UBE2H: variants seen among roughly 807,000 people sequenced by gnomAD.
UBE2H encodes ubiquitin-conjugating enzyme E2 H.
A neutral mutation model predicts 29.0 loss-of-function variants in UBE2H; 3 were observed. That is an observed-to-expected ratio of 0.10 (90% CI 0.05 to 0.27). The LOEUF is 0.27. Ranked by LOEUF, UBE2H falls within the 10% of genes least tolerant of loss-of-function variation. UBE2H has a pLI of 1.00. For missense variants in UBE2H, 68 were observed against 228.2 expected (o/e 0.30, Z 4.52); for synonymous variants, 69 against 82.9 (o/e 0.83, Z 0.91).
At chr7:129,910,859 G>A (rs1334366725) in intron 1 of UBE2H, among the ~76,000 whole-genome samples, 1 of 152,098 alleles carries the variant, frequency 6.6e-6, no homozygotes, top group East Asian at 1.9e-4. Context: ...TCCAGCCTGG[G>A]TGACAGAGTA....
chr7:129,916,590 G>C (rs1421216972), intron 1 of UBE2H, among the ~76,000 whole-genome samples: 3 of 152,008 alleles, frequency 2.0e-5, no homozygotes, highest in Non-Finnish European at 2.9e-5. Flanking sequence ...GGAAAGCTAG[G>C]GGGAAGGAAA....
chr7:129,913,252 C>CAAAAAA (rs59869623), intron 1 of UBE2H, among the ~76,000 whole-genome samples: 1 of 75,540 alleles, frequency 1.3e-5, no homozygotes, highest in African/African-American at 4.5e-5. Flanking sequence ...AACTCCGTCT[C>CAAAAAA]AAAAAAAAAA....
intron 5 of UBE2H, among the ~76,000 whole-genome samples, chr7:129,841,759 G>A (rs761014785): frequency 7.9e-5 from 12 of 152,052 alleles, no homozygotes; most frequent in Non-Finnish European, 1.0e-4. Context: ...ACTTCAGAAC[G>A]GTCCTAAAGA....
chr7:129,880,332 C>T (rs1338937027), intron 2 of UBE2H, among the ~76,000 whole-genome samples: 3 of 152,080 alleles, frequency 2.0e-5, no homozygotes, highest in Non-Finnish European at 4.4e-5. Flanking sequence ...CATGGTGAAA[C>T]CCTGTCTCTA....
At chr7:129,859,019 AG>A in intron 3 of UBE2H, 78 bp from the exon 4 acceptor site, 1 of 1,199,978 alleles carries the variant, frequency 8.3e-7, no homozygotes, top group Non-Finnish European at 1.2e-6. Context: ...AAACAATTTC[AG>A]TATTGGGAAA....
At chr7:129,918,367 T>G (rs1251507842) in intron 1 of UBE2H, among the ~76,000 whole-genome samples, 1 of 151,664 alleles carries the variant, frequency 6.6e-6, no homozygotes, top group Non-Finnish European at 1.5e-5. Flanking sequence ...AAATTCTTTT[T>G]TTTTTTTTTT....
intron 1 of UBE2H, among the ~76,000 whole-genome samples, chr7:129,933,038 G>T (rs999538968): frequency 6.6e-6 from 1 of 151,984 alleles, no homozygotes; most frequent in African/African-American, 2.4e-5. Flanking sequence ...AAAAACAAAA[G>T]CTATACTTAT....
intron 1 of UBE2H, among the ~76,000 whole-genome samples, chr7:129,921,781 A>G (rs1225896381): frequency 1.3e-5 from 2 of 152,082 alleles, no homozygotes; most frequent in African/African-American, 4.8e-5. Context: ...TGGGTTTCAA[A>G]CCAATCTTTT....
intron 5 of UBE2H, among the ~76,000 whole-genome samples, chr7:129,846,903 T>C (rs923475128): frequency 5.3e-5 from 8 of 152,150 alleles, no homozygotes; most frequent in Non-Finnish European, 1.0e-4. Flanking sequence ...AAAAAACTTA[T>C]CGGGAAAGAC....
chr7:129,862,698 T>C (rs1165273887), intron 3 of UBE2H, among the ~76,000 whole-genome samples: 3 of 152,158 alleles, frequency 2.0e-5, no homozygotes, highest in Admixed American at 1.3e-4. Context: ...CTCTGAAGTT[T>C]TTTCCTGAAA....
chr7:129,909,947 GA>G (rs890286669), intron 1 of UBE2H, among the ~76,000 whole-genome samples: 4 of 152,196 alleles, frequency 2.6e-5, no homozygotes, highest in African/African-American at 9.6e-5. Flanking sequence ...GCATACAGAA[GA>G]CACGAAAAGG....
chr7:129,922,577 A>G (rs1249003566), intron 1 of UBE2H, among the ~76,000 whole-genome samples: 1 of 152,184 alleles, frequency 6.6e-6, no homozygotes, highest in Non-Finnish European at 1.5e-5. Context: ...GTGCCCAGAA[A>G]AACAGTCCTT....
chr7:129,890,233 ATATATATACACACGTATACATACACACG>A (rs1563035789), intron 1 of UBE2H, among the ~76,000 whole-genome samples: 1 of 151,930 alleles, frequency 6.6e-6, no homozygotes, highest in Admixed American at 6.6e-5. Context: ...GATACCACAT[ATATATATACACACGTATACATACACACG>A]TATATATACA....
At chr7:129,891,976 G>A (rs182334153) in intron 1 of UBE2H, among the ~76,000 whole-genome samples, 7,333 of 132,710 alleles carry the variant, frequency 0.055, 260 homozygotes, top group Middle Eastern at 0.088. Context: ...TTTTTGAGAC[G>A]GAGTCTTGCT....
chr7:129,842,107 T>C (rs1378042847), intron 5 of UBE2H, among the ~76,000 whole-genome samples: 1 of 152,260 alleles, frequency 6.6e-6, no homozygotes, highest in African/African-American at 2.4e-5. Context: ...ATGTGTAACT[T>C]CTACTTTTCA....
chr7:129,854,752 T>C (rs1275130524), intron 5 of UBE2H, among the ~76,000 whole-genome samples: 1 of 152,180 alleles, frequency 6.6e-6, no homozygotes, highest in Admixed American at 6.5e-5. Context: ...ACACAAATAC[T>C]TGTGCACAAA....
chr7:129,907,747 C>T (rs1275835960), intron 1 of UBE2H, among the ~76,000 whole-genome samples: 2 of 152,056 alleles, frequency 1.3e-5, no homozygotes, highest in African/African-American at 4.8e-5. Context: ...AATGTATACA[C>T]TTAAAATTGC....
chr7:129,896,775 G>A (rs907750580), intron 1 of UBE2H, among the ~76,000 whole-genome samples: 20 of 152,186 alleles, frequency 1.3e-4, no homozygotes, highest in African/African-American at 4.1e-4. Context: ...GCCACTCAAT[G>A]AAGATAGCAT....
intron 1 of UBE2H, among the ~76,000 whole-genome samples, chr7:129,897,396 C>T (rs1419454780): frequency 6.6e-6 from 1 of 152,200 alleles, no homozygotes; most frequent in East Asian, 1.9e-4. Flanking sequence ...ATATGAATGG[C>T]TGACCCCTGC....
Sources: allele counts gnomAD v4.1 joint callset (sites outside exome capture counted in the v4.1 genomes callset), GRCh38; gene constraint gnomAD v4.1.1; transcripts MANE v1.5; gene names NCBI Gene and HGNC (gene_info 2026-07-23, HGNC 2026-07-21).